Variants in SLC14A2 observed in about 807,000 individuals in gnomAD.
SLC14A2 encodes the protein solute carrier family 14 member 2.
A neutral mutation model predicts 104.6 loss-of-function variants in SLC14A2; 91 were observed. That is an observed-to-expected ratio of 0.87 (90% CI 0.73 to 1.04). The LOEUF (loss-of-function observed/expected upper bound fraction) is 1.04, where lower values mean the gene tolerates loss of function less well. SLC14A2 is among the 50% of genes least tolerant of loss of function. The pLI is 0.00. For missense variants in SLC14A2, 1,189 were observed against 1,156.0 expected, an observed-to-expected ratio of 1.03 and a Z score of -0.41; for synonymous variants, 476 against 466.4, an observed-to-expected ratio of 1.02 and a Z score of -0.27.
chr18:45,470,986 TTGTG>T (rs35849093), intron 1 of SLC14A2, among the ~76,000 whole-genome samples: 1 of 151,206 alleles, frequency 6.6e-6, no homozygotes, highest in East Asian at 1.9e-4. Context: ...AATTTCCAGT[TTGTG>T]TGTGTGTGTG....
At chr18:45,397,070 C>T (rs190416833) in intron 1 of SLC14A2, among the ~76,000 whole-genome samples, 53 of 152,218 alleles carry the variant, frequency 3.5e-4, no homozygotes, top group African/African-American at 7.9e-4. Context: ...CTGTCATTGA[C>T]GGGCATTTAG....
chr18:45,522,305 A>G (rs535000687), intron 2 of SLC14A2, among the ~76,000 whole-genome samples: 33 of 152,330 alleles, frequency 2.2e-4, no homozygotes, highest in Non-Finnish European at 2.8e-4. Context: ...TAAGCCCTAG[A>G]AGCATAAACA....
chr18:45,188,581 C>T, the SLC14A2 span, among the ~76,000 whole-genome samples: 58 of 152,294 alleles, frequency 3.8e-4, no homozygotes, highest in African/African-American at 1.3e-3. Context: ...TTGCCCATCA[C>T]AGGACCTCCA....
intron 1 of SLC14A2, among the ~76,000 whole-genome samples, chr18:45,471,218 G>A (rs2087242454): frequency 6.6e-6 from 1 of 152,106 alleles, no homozygotes; most frequent in Admixed American, 6.5e-5. Context: ...TCTTAGTGAG[G>A]TTTTATAAGC....
intron 2 of SLC14A2, among the ~76,000 whole-genome samples, chr18:45,555,595 C>T (rs928288368): frequency 6.6e-6 from 1 of 152,158 alleles, no homozygotes; most frequent in South Asian, 2.1e-4. Flanking sequence ...TCAAAGTGGA[C>T]ACTTCCCATC....
At chr18:45,644,400 G>C in intron 10 of SLC14A2, 1 of 418,382 alleles carries the variant, frequency 2.4e-6, no homozygotes, top group Non-Finnish European at 4.3e-6. Context: ...TAAAATTTCC[G>C]GAGTTAGCAA....
At chr18:45,443,640 C>A (rs1014818744) in intron 1 of SLC14A2, among the ~76,000 whole-genome samples, 1 of 151,988 alleles carries the variant, frequency 6.6e-6, no homozygotes, top group African/African-American at 2.4e-5. Context: ...AAATGGAGTT[C>A]TAGTTTCTGT....
At chr18:45,302,117 T>A (rs1025472146) in intron 1 of SLC14A2, among the ~76,000 whole-genome samples, 4 of 152,234 alleles carry the variant, frequency 2.6e-5, no homozygotes, top group Non-Finnish European at 5.9e-5. Flanking sequence ...TCATTTATAC[T>A]GGAAACCTCA....
At position 45,258,225 on chromosome 18, in the gene SLC14A2, C is replaced by T. The variant is rs148273935; in HGVS notation, c.-125+45034C>T. 1.6e-3 allele frequency among the ~76,000 whole-genome samples: 225 copies of T among 143,854 alleles called. 39 individuals carry two copies. The highest frequency in any genetic ancestry group is 5.7e-3 in the African/African-American group (211 of 36,922). 94.4% of individuals were successfully genotyped at this position (143,854 alleles called of 152,430 possible). ...CTGACACTAAAGCCTGGACTCTGCA[C>T]GCTCACACTGGGCTCCCATCCCTCC... is the stretch of plus-strand genomic sequence containing the variant. On this transcript the variant is annotated intron_variant, in intron 1 of 20. Transcript: ENST00000586448.
rs182477191 is a variant in SLC14A2 at position 45,663,036 on chromosome 18, T to C, written c.1352-749T>C. 2.7e-3 allele frequency among the ~76,000 whole-genome samples: 415 copies of C among 152,326 alleles called. 2 individuals carry two copies. Among genetic ancestry groups the C allele is most frequent in the Middle Eastern group, 6.8e-3 (2 of 294 alleles). On this transcript the variant is annotated intron_variant, in intron 10 of 19. Transcript: ENST00000255226. The stretch of plus-strand genomic sequence containing the variant: ...AGTGTGAAAACTGAACATAATAAGG[T>C]ACAGCAGAGTGCTTCTTGTAGCTGA...
At chr18:45,357,177 C>T (rs1374809083) in intron 1 of SLC14A2, among the ~76,000 whole-genome samples, 2 of 151,152 alleles carry the variant, frequency 1.3e-5, no homozygotes, top group Non-Finnish European at 2.9e-5. Context: ...ACTAAGACAA[C>T]AGCTTTTCTC....
chr18:45,586,614 G>A (rs2044570261), intron 2 of SLC14A2, among the ~76,000 whole-genome samples: 1 of 152,178 alleles, frequency 6.6e-6, no homozygotes, highest in Admixed American at 6.5e-5. Context: ...GTGGTGACCT[G>A]CCCAGGCCGT....
chr18:45,387,595 A>G (rs1336182616), intron 1 of SLC14A2, among the ~76,000 whole-genome samples: 1 of 152,214 alleles, frequency 6.6e-6, no homozygotes, highest in Non-Finnish European at 1.5e-5. Flanking sequence ...ATATTTTGAA[A>G]TACATATCCA....
At chr18:45,332,230 T>C (rs1165299079) in intron 1 of SLC14A2, among the ~76,000 whole-genome samples, 1 of 152,178 alleles carries the variant, frequency 6.6e-6, no homozygotes, top group African/African-American at 2.4e-5. Context: ...GGGTTATACA[T>C]CTGTAGATTC....
chr18:45,657,418 C>T (rs563194032), intron 10 of SLC14A2, among the ~76,000 whole-genome samples: 7 of 144,124 alleles, frequency 4.9e-5, no homozygotes, highest in East Asian at 4.1e-4. Flanking sequence ...ACTCTGGAGG[C>T]GGAGGTTGCA....
At chr18:45,344,516 A>C (rs1292241794) in intron 1 of SLC14A2, among the ~76,000 whole-genome samples, 1 of 152,214 alleles carries the variant, frequency 6.6e-6, no homozygotes, top group Non-Finnish European at 1.5e-5. Flanking sequence ...TAAATAATAC[A>C]AATAAACAAC....
intron 1 of SLC14A2, among the ~76,000 whole-genome samples, chr18:45,226,051 C>A (rs1289192560): frequency 1.3e-5 from 2 of 152,014 alleles, no homozygotes; most frequent in African/African-American, 4.8e-5. Context: ...TTTATGCAGC[C>A]AAAAGACACA....
intron 6 of SLC14A2, among the ~76,000 whole-genome samples, chr18:45,639,434 C>T (rs780470337): frequency 1.3e-5 from 2 of 152,146 alleles, no homozygotes; most frequent in African/African-American, 2.4e-5. Flanking sequence ...AAACTCCCAG[C>T]GGCATTCTAG....
intron 2 of SLC14A2, among the ~76,000 whole-genome samples, chr18:45,510,105 C>T (rs566092943): frequency 4.0e-4 from 61 of 152,324 alleles, no homozygotes; most frequent in African/African-American, 1.4e-3. Context: ...TCAAGTGAGA[C>T]ACTTAACCTC....
Sources: allele counts gnomAD v4.1 joint callset (sites outside exome capture counted in the v4.1 genomes callset), GRCh38; gene constraint gnomAD v4.1.1; transcripts MANE v1.5; gene names NCBI Gene and HGNC (gene_info 2026-07-23, HGNC 2026-07-21).